Variants in NXPE4 observed in about 807,000 individuals in gnomAD.
The protein encoded by NXPE4 is neurexophilin and PC-esterase domain family member 4.
In NXPE4, 42 loss-of-function variants were observed where a neutral mutation model predicts 33.3. The observed-to-expected ratio is 1.26, with a 90% CI of 0.98 to 1.63. The LOEUF is 1.63. NXPE4 is among the 40% of genes most tolerant of loss of function. The probability of loss-of-function intolerance (pLI) is 0.00; values close to 1 mark genes in which losing one functional copy is unlikely to be tolerated. For synonymous variants in NXPE4, 253 were observed against 234.9 expected (o/e 1.08, Z -0.71); for missense variants, 709 against 647.6 (o/e 1.09, Z -1.03).
the NXPE4 span, among the ~76,000 whole-genome samples, chr11:114,660,997 C>T: frequency 2.0e-5 from 3 of 152,036 alleles, no homozygotes; most frequent in Non-Finnish European, 2.9e-5. Flanking sequence ...AAATTAATAA[C>T]ACAGCATGAT....
chr11:114,670,917 CA>C, the NXPE4 span, among the ~76,000 whole-genome samples: 1 of 151,296 alleles, frequency 6.6e-6, no homozygotes, highest in East Asian at 1.9e-4. Context: ...CCAAGTCAGA[CA>C]AAGACTGCAA....
intron 5 of NXPE4, among the ~76,000 whole-genome samples, chr11:114,578,485 G>A (rs1022022416): frequency 6.6e-6 from 1 of 152,120 alleles, no homozygotes; most frequent in Non-Finnish European, 1.5e-5. Flanking sequence ...GGTAATTGAG[G>A]TTTCCCTAGG....
chr11:114,638,486 A>T, the NXPE4 span, among the ~76,000 whole-genome samples: 1 of 152,020 alleles, frequency 6.6e-6, no homozygotes, highest in African/African-American at 2.4e-5. Context: ...TTCTCCGTCC[A>T]ACTTTGTTCC....
At chr11:114,665,027 C>T in the NXPE4 span, among the ~76,000 whole-genome samples, 1 of 152,152 alleles carries the variant, frequency 6.6e-6, no homozygotes, top group Non-Finnish European at 1.5e-5. Context: ...TTTAATGGAA[C>T]ATAACCCCAT....
the NXPE4 span, among the ~76,000 whole-genome samples, chr11:114,636,414 C>A: frequency 2.6e-5 from 4 of 152,052 alleles, no homozygotes; most frequent in Non-Finnish European, 5.9e-5. Flanking sequence ...AAAAAACCAG[C>A]TCCTGGATTC....
Position 114,580,188 on chromosome 11 carries a change from A to G in NXPE4, c.1043T>C (p.Leu348Pro). 1 of 1,614,048 alleles carries G rather than the reference A, an allele frequency of 6.2e-7. No individual in the cohort carries two copies. Among genetic ancestry groups the G allele is most frequent in the Non-Finnish European group, 8.5e-7 (1 of 1,179,934 alleles). Residue 348 changes from leucine to proline, a missense_variant, in exon 5 of 6, where the codon CTA becomes CCA. Coordinates refer to ENST00000375478, the MANE Select transcript of NXPE4 (RefSeq NM_001077639.2). ...KECLRGKLIYLMGDSTIRQWM... is the reference protein window; with the variant it reads ...KECLRGKLIYPMGDSTIRQWM... ...CTGGCGGATCGTGGAATCTCCCATTAGGTATATGAGTTTTCCTCTCAGGCA... is the reference window on the plus strand; with the variant it reads ...CTGGCGGATCGTGGAATCTCCCATTGGGTATATGAGTTTTCCTCTCAGGCA...
At chr11:114,587,502 G>T (rs568341761) in intron 2 of NXPE4, among the ~76,000 whole-genome samples, 28 of 152,236 alleles carry the variant, frequency 1.8e-4, no homozygotes, top group Non-Finnish European at 3.8e-4. Flanking sequence ...GATCACACAA[G>T]TCTAGAAAGT....
the NXPE4 span, among the ~76,000 whole-genome samples, chr11:114,677,982 T>A: frequency 6.6e-6 from 1 of 152,062 alleles, no homozygotes; most frequent in Non-Finnish European, 1.5e-5. Context: ...CAAGTTGCAG[T>A]GAGATTTAGA....
At chr11:114,639,629 A>G in the NXPE4 span, among the ~76,000 whole-genome samples, 2 of 146,232 alleles carry the variant, frequency 1.4e-5, no homozygotes, top group East Asian at 3.9e-4. Context: ...CCTATGTAAC[A>G]TATTACATAT....
chr11:114,602,684 T>C, the NXPE4 span, among the ~76,000 whole-genome samples: 10 of 141,440 alleles, frequency 7.1e-5, no homozygotes, highest in East Asian at 1.9e-3. Context: ...TCATATGTAA[T>C]AATTATCTCA....
At chr11:114,620,509 G>T in the NXPE4 span, among the ~76,000 whole-genome samples, 1 of 151,708 alleles carries the variant, frequency 6.6e-6, no homozygotes, top group Non-Finnish European at 1.5e-5. Context: ...GTTGCCTCTA[G>T]GGTAACCACT....
At chr11:114,617,630 AC>A in the NXPE4 span, among the ~76,000 whole-genome samples, 1 of 152,040 alleles carries the variant, frequency 6.6e-6, no homozygotes. Context: ...AACCACTGTT[AC>A]CCAATGGATA....
the NXPE4 span, among the ~76,000 whole-genome samples, chr11:114,632,821 ATAATT>A: frequency 8.0e-5 from 1 of 12,556 alleles, no homozygotes. Context: ...TTATATATAT[ATAATT>A]TATAATAATA....
At chr11:114,598,308 G>GT (rs1949601605), upstream of NXPE4, among the ~76,000 whole-genome samples, 1 of 152,258 alleles carries the variant, frequency 6.6e-6, no homozygotes, top group Admixed American at 6.5e-5. Flanking sequence ...AGTGCCTTTG[G>GT]TTTTTCCAGG....
At chr11:114,581,267 T>C (rs1949138682) in intron 4 of NXPE4, among the ~76,000 whole-genome samples, 1 of 152,160 alleles carries the variant, frequency 6.6e-6, no homozygotes, top group Non-Finnish European at 1.5e-5. Context: ...TTTTTTATGC[T>C]AACAATTGTT....
chr11:114,638,559 C>T, the NXPE4 span, among the ~76,000 whole-genome samples: 11 of 151,988 alleles, frequency 7.2e-5, no homozygotes, highest in African/African-American at 2.2e-4. Flanking sequence ...TAGAGTTTCC[C>T]GTTTTTCTGC....
the NXPE4 span, among the ~76,000 whole-genome samples, chr11:114,618,309 G>A: frequency 6.6e-6 from 1 of 151,880 alleles, no homozygotes; most frequent in African/African-American, 2.4e-5. Context: ...GTTATCTGTT[G>A]GATAATAGGT....
chr11:114,588,481 G>A (rs1254656294), intron 2 of NXPE4, among the ~76,000 whole-genome samples: 1 of 152,132 alleles, frequency 6.6e-6, no homozygotes, highest in African/African-American at 2.4e-5. Flanking sequence ...AAAACAGGCA[G>A]CTCTGCAGGC....
chr11:114,663,012 A>G, the NXPE4 span, among the ~76,000 whole-genome samples: 4 of 152,176 alleles, frequency 2.6e-5, no homozygotes, highest in Admixed American at 2.6e-4. Flanking sequence ...CCCTGATTCC[A>G]GCACTTGTCT....
Sources: allele counts gnomAD v4.1 joint callset (sites outside exome capture counted in the v4.1 genomes callset), GRCh38; gene constraint gnomAD v4.1.1; transcripts MANE v1.5; gene names NCBI Gene and HGNC (gene_info 2026-07-23, HGNC 2026-07-21).